The following EEF1E1 variants were observed in gnomAD, a reference collection of about 807,000 sequenced individuals.
EEF1E1 encodes eukaryotic translation elongation factor 1 epsilon-1.
Under a neutral mutation model 19.9 loss-of-function variants are expected in EEF1E1, and 19 were observed. That is an observed-to-expected ratio of 0.95 (90% CI 0.66 to 1.40). The LOEUF (loss-of-function observed/expected upper bound fraction) is 1.40. Among genes scored for constraint, EEF1E1 ranks in the 40% most tolerant of loss-of-function variants. The pLI is 0.00. For synonymous variants in EEF1E1, 81 were observed against 80.0 expected (o/e 1.01, Z -0.07); for missense variants, 198 against 202.2 (o/e 0.98, Z 0.13).
At chr6:8,092,869 CTTTTTTTTTTT>C (rs942764776) in intron 2 of EEF1E1, among the ~76,000 whole-genome samples, 2 of 93,764 alleles carry the variant, frequency 2.1e-5, no homozygotes, top group East Asian at 4.5e-4. Context: ...ATAAAGACTG[CTTTTTTTTTTT>C]TTTTTTTTTT....
intron 2 of EEF1E1, among the ~76,000 whole-genome samples, chr6:8,093,324 CT>C (rs57000456): frequency 0.25 from 33,905 of 134,564 alleles, 4,464 homozygotes; most frequent in African/African-American, 0.35. Context: ...CATTCGCTTC[CT>C]TTTTTTTTTT....
intron 1 of EEF1E1, among the ~76,000 whole-genome samples, chr6:8,098,868 A>C (rs149551014): frequency 6.6e-6 from 1 of 152,206 alleles, no homozygotes; most frequent in Non-Finnish European, 1.5e-5. Flanking sequence ...CCAACTCTAA[A>C]GAGAATTATT....
At chr6:8,101,891 T>C (rs1335021878) in intron 1 of EEF1E1, 2 of 1,251,260 alleles carry the variant, frequency 1.6e-6, no homozygotes, top group African/African-American at 3.1e-5. Flanking sequence ...CTGCCATTTA[T>C]GGTGCAACGT....
At chr6:8,077,137 G>T (rs1453657787), downstream of EEF1E1, among the ~76,000 whole-genome samples, 1 of 152,084 alleles carries the variant, frequency 6.6e-6, no homozygotes, top group East Asian at 1.9e-4. Context: ...TAGAGATGGG[G>T]TTTCACCGTG....
downstream of EEF1E1, among the ~76,000 whole-genome samples, chr6:8,074,420 T>G (rs1419280992): frequency 6.6e-6 from 1 of 152,174 alleles, no homozygotes; most frequent in Admixed American, 6.5e-5. Flanking sequence ...GACTGTGGTG[T>G]GCCAATGATT....
At chr6:8,098,123 T>TC (rs1332903406) in intron 1 of EEF1E1, among the ~76,000 whole-genome samples, 1 of 147,772 alleles carries the variant, frequency 6.8e-6, no homozygotes, top group Non-Finnish European at 1.5e-5. Context: ...ATAGTATCTT[T>TC]TTTTTTTTTC....
chr6:8,102,260 G>A (rs1758386725), intron 1 of EEF1E1, among the ~76,000 whole-genome samples, 175 bp downstream of exon 1: 1 of 152,204 alleles, frequency 6.6e-6, no homozygotes, highest in South Asian at 2.1e-4. Flanking sequence ...CAGGAGGTAG[G>A]ATGGCAGGGG....
chr6:8,089,135 T>C (rs1757947503), intron 3 of EEF1E1, among the ~76,000 whole-genome samples: 1 of 152,042 alleles, frequency 6.6e-6, no homozygotes, highest in Non-Finnish European at 1.5e-5. Context: ...GTGGTGACTG[T>C]AGGGTAAAGC....
intron 1 of EEF1E1, among the ~76,000 whole-genome samples, chr6:8,099,791 C>CACACAAA (rs768224090): frequency 6.1e-5 from 7 of 114,624 alleles, no homozygotes; most frequent in African/African-American, 1.3e-4. Flanking sequence ...CACACACACA[C>CACACAAA]AAAAAAAAAA....
chr6:8,075,087 G>C (rs974117139), downstream of EEF1E1, among the ~76,000 whole-genome samples: 23 of 152,284 alleles, frequency 1.5e-4, no homozygotes, highest in African/African-American at 5.1e-4. Flanking sequence ...CTGAATGGGG[G>C]GAGAAGACAG....
At chr6:8,099,671 C>T (rs1336065659) in intron 1 of EEF1E1, among the ~76,000 whole-genome samples, 3 of 150,704 alleles carry the variant, frequency 2.0e-5, no homozygotes, top group African/African-American at 4.9e-5. Context: ...CCCTTGAATC[C>T]GGGAGGCAGA....
At chr6:8,078,591 C>A, downstream of EEF1E1, 1 of 1,097,898 alleles carries the variant, frequency 9.1e-7, no homozygotes. Flanking sequence ...ACAAACCTTC[C>A]ATGTGTTGAA....
chr6:8,092,737 A>G (rs1758046630), intron 2 of EEF1E1, among the ~76,000 whole-genome samples: 1 of 152,202 alleles, frequency 6.6e-6, no homozygotes, highest in Admixed American at 6.5e-5. Flanking sequence ...TCTTCATTAA[A>G]TTTCAAATAA....
Position 8,079,905 on chromosome 6 carries a change from A to G in EEF1E1, c.510T>C (p.Tyr170=). The stretch of plus-strand genomic sequence containing the variant: ...TGGACAGCTTCTAGTGGGAATTAGT[A>G]TATAGTCTGTTCTTGATGAAGACAA... The part of the protein sequence containing the change: ...SSVVFIKNRL[Y]TNSH The change falls in exon 4 of 4, where the codon TAT becomes TAC. Residue 170 remains tyrosine (Y), a synonymous_variant. Coordinates refer to ENST00000379715, the MANE Select transcript of EEF1E1 (RefSeq NM_004280.5). 6.2e-7 allele frequency: 1 copy of G among 1,612,360 alleles called. No homozygotes were observed. The highest frequency in any genetic ancestry group is 8.5e-7 in the Non-Finnish European group (1 of 1,179,832).
At chr6:8,077,212 G>C (rs1581452380), downstream of EEF1E1, among the ~76,000 whole-genome samples, 2 of 152,272 alleles carry the variant, frequency 1.3e-5, no homozygotes, top group East Asian at 3.9e-4. Context: ...CAAAGTGCTG[G>C]GATTACAAGC....
At chr6:8,084,169 T>A (rs1056074379) in intron 3 of EEF1E1, among the ~76,000 whole-genome samples, 2 of 152,218 alleles carry the variant, frequency 1.3e-5, no homozygotes, top group African/African-American at 4.8e-5. Flanking sequence ...GGTCACTATA[T>A]ATGAAGATGA....
At chr6:8,092,418 A>T (rs1758036454) in intron 2 of EEF1E1, among the ~76,000 whole-genome samples, 1 of 152,236 alleles carries the variant, frequency 6.6e-6, no homozygotes, top group African/African-American at 2.4e-5. Flanking sequence ...CCTTTATGAT[A>T]ATCTACTTCC....
At position 8,090,282 on chromosome 6, in the gene EEF1E1, C is replaced by A; in HGVS notation, c.289-1G>T. ...TATCTTCAAGATATGAATTAAGATC[C>A]TAGAAAAAAGAAAAAACAAATAAAT... On this transcript the variant is annotated splice_acceptor_variant, in intron 2 of 3. Coordinates refer to ENST00000379715, the MANE Select transcript of EEF1E1 (RefSeq NM_004280.5). LOFTEE classifies it high-confidence loss of function. 6.8e-7 allele frequency: 1 copy of A among 1,465,022 alleles called. No individual in the cohort carries two copies. Among genetic ancestry groups the A allele is most frequent in the Non-Finnish European group, 9.0e-7 (1 of 1,112,962 alleles). The allele number at this position is 1,465,022 out of a possible 1,614,324, so 90.8% of individuals were successfully genotyped here. A position where few individuals can be genotyped will look rare whatever the true frequency, so the allele number is the denominator to read the frequency against.
rs1381607426 is a variant in EEF1E1 at position 8,099,778 on chromosome 6, ACAC to A, written c.88-2314_88-2312del. Reference sequence around the variant, plus strand: ...CACACACACACACACACACACACACACACACACACACACAAAAAAAAAACAGAA... The same window carrying A: ...CACACACACACACACACACACACACAACACACACACAAAAAAAAAACAGAA... On this transcript the variant is annotated intron_variant, in intron 1 of 3. Coordinates refer to ENST00000379715, the MANE Select transcript of EEF1E1 (RefSeq NM_004280.5). Among the ~76,000 whole-genome samples the A allele has an allele frequency of 5.1e-4, 65 of 127,296 alleles. 2 individuals carry two copies. The highest frequency in any genetic ancestry group is 1.3e-3 in the African/African-American group (40 of 30,630). 83.5% of individuals were successfully genotyped at this position (127,296 alleles called of 152,430 possible). A position where few individuals can be genotyped will look rare whatever the true frequency, so the allele number is the denominator to read the frequency against.
Sources: allele counts gnomAD v4.1 joint callset (sites outside exome capture counted in the v4.1 genomes callset), GRCh38; gene constraint gnomAD v4.1.1; transcripts MANE v1.5; gene names NCBI Gene and HGNC (gene_info 2026-07-23, HGNC 2026-07-21).